Variants in SLC35F4 observed in about 807,000 individuals in gnomAD.
SLC35F4 encodes the protein chromosome 14 open reading frame 36.
In SLC35F4, 24 loss-of-function variants were observed where a neutral mutation model predicts 44.2. The ratio of observed to expected loss-of-function variants is 0.54; its 90% confidence interval spans 0.39 to 0.76. SLC35F4 has a LOEUF of 0.76. Ranked by LOEUF, SLC35F4 falls within the 30% of genes least tolerant of loss-of-function variation. SLC35F4 has a pLI of 0.00. For missense variants in SLC35F4, 562 were observed against 586.1 expected, an observed-to-expected ratio of 0.96 and a Z score of 0.42; for synonymous variants, 238 against 223.6, an observed-to-expected ratio of 1.06 and a Z score of -0.57.
At chr14:57,896,540 T>C (rs1288551102) in intron 1 of SLC35F4, among the ~76,000 whole-genome samples, 1 of 152,170 alleles carries the variant, frequency 6.6e-6, no homozygotes, top group Non-Finnish European at 1.5e-5. Flanking sequence ...ATGTGATGTA[T>C]ATGTATATGC....
At chr14:57,860,115 G>T (rs926510009) in intron 1 of SLC35F4, among the ~76,000 whole-genome samples, 3 of 152,174 alleles carry the variant, frequency 2.0e-5, no homozygotes, top group Non-Finnish European at 2.9e-5. Context: ...CTAGAACTTT[G>T]GGGAATGCTA....
At chr14:57,584,638 C>T (rs939485491) in intron 3 of SLC35F4, among the ~76,000 whole-genome samples, 1 of 152,122 alleles carries the variant, frequency 6.6e-6, no homozygotes, top group Admixed American at 6.5e-5. Flanking sequence ...ACTCTACATG[C>T]ACTATAGGTA....
At chr14:57,596,595 C>G in intron 1 of SLC35F4, 1 of 417,830 alleles carries the variant, frequency 2.4e-6, no homozygotes, top group East Asian at 6.7e-5. Context: ...ATTTCCAATC[C>G]CTTGGCAATT....
At chr14:57,858,584 A>G (rs1453393945) in intron 1 of SLC35F4, among the ~76,000 whole-genome samples, 1 of 151,924 alleles carries the variant, frequency 6.6e-6, no homozygotes, top group Non-Finnish European at 1.5e-5. Flanking sequence ...AATGTAAATG[A>G]CGAGTTAATG....
chr14:57,815,772 A>G (rs76062522), intron 1 of SLC35F4, among the ~76,000 whole-genome samples: 4,558 of 152,244 alleles, frequency 0.03, 206 homozygotes, highest in African/African-American at 0.1. Context: ...TGACTAGCCG[A>G]GAAGACCAGT....
downstream of SLC35F4, among the ~76,000 whole-genome samples, chr14:57,972,977 C>T (rs1881098024): frequency 6.6e-6 from 1 of 152,204 alleles, no homozygotes; most frequent in South Asian, 2.1e-4. Flanking sequence ...TTTGCATATA[C>T]CATGTCATTT....
intron 1 of SLC35F4, among the ~76,000 whole-genome samples, chr14:57,731,492 C>T (rs1338964509): frequency 6.6e-6 from 1 of 152,092 alleles, no homozygotes; most frequent in African/African-American, 2.4e-5. Context: ...GTTTCTTTTG[C>T]CAGAGCCTTT....
chr14:57,568,608 G>GT (rs1394783075), intron 6 of SLC35F4, among the ~76,000 whole-genome samples: 1 of 152,150 alleles, frequency 6.6e-6, no homozygotes, highest in Non-Finnish European at 1.5e-5. Context: ...AGTGTTTTCT[G>GT]TCGAAGACCT....
intron 1 of SLC35F4, among the ~76,000 whole-genome samples, chr14:57,643,495 T>C (rs565693307): frequency 6.6e-6 from 1 of 152,218 alleles, no homozygotes; most frequent in South Asian, 2.1e-4. Context: ...TATCACCCGA[T>C]TTACAGGTAG....
At chr14:57,722,545 T>C (rs2076110434) in intron 1 of SLC35F4, among the ~76,000 whole-genome samples, 1 of 152,162 alleles carries the variant, frequency 6.6e-6, no homozygotes, top group Admixed American at 6.5e-5. Flanking sequence ...CTGCAGTCAC[T>C]CAACTACAAA....
At chr14:57,678,458 T>A (rs1177356087) in intron 1 of SLC35F4, among the ~76,000 whole-genome samples, 1 of 151,882 alleles carries the variant, frequency 6.6e-6, no homozygotes. Context: ...GAAAATGCAT[T>A]AACTAACAAG....
chr14:57,884,163 G>A lies in SLC35F4; in HGVS notation n.282+97750C>T, dbSNP rs186549738. Among the ~76,000 whole-genome samples the A allele has an allele frequency of 5.5e-4, 84 of 152,226 alleles. 1 individual carries two copies. Among genetic ancestry groups the A allele is most frequent in the Admixed American group, 3.4e-3 (52 of 15,288 alleles). Reference sequence around the variant, plus strand: ...ATATTGACAGATTCTGAATGCTTTTGTGTCAAAGCACTAACTATAACTCTT... The same window carrying A: ...ATATTGACAGATTCTGAATGCTTTTATGTCAAAGCACTAACTATAACTCTT... On this transcript the variant is annotated intron_variant and non_coding_transcript_variant, in intron 1 of 1. Coordinates refer to the SLC35F4 transcript ENST00000556568.
chr14:57,837,346 T>C (rs1439341197), intron 1 of SLC35F4: 1 of 152,162 alleles, frequency 6.6e-6, no homozygotes, highest in Non-Finnish European at 1.5e-5. Context: ...AAGGGAGGTA[T>C]GATGGAGAAA....
chr14:57,595,001 A>G (rs1187909040), intron 1 of SLC35F4, among the ~76,000 whole-genome samples: 4 of 152,204 alleles, frequency 2.6e-5, no homozygotes, highest in Non-Finnish European at 5.9e-5. Flanking sequence ...GCATCTATCA[A>G]CATTAAGAGA....
chr14:57,648,370 C>A (rs929926606), intron 1 of SLC35F4, among the ~76,000 whole-genome samples: 2 of 152,190 alleles, frequency 1.3e-5, no homozygotes, highest in African/African-American at 2.4e-5. Context: ...AGAGATATAG[C>A]TACTAACACT....
intron 1 of SLC35F4, among the ~76,000 whole-genome samples, chr14:57,716,507 G>A (rs2075948389): frequency 1.3e-5 from 2 of 151,990 alleles, no homozygotes; most frequent in African/African-American, 4.8e-5. Flanking sequence ...ATGATTCACT[G>A]TTTTAATTTT....
At chr14:57,776,583 T>C (rs1051243671) in intron 1 of SLC35F4, among the ~76,000 whole-genome samples, 10 of 147,738 alleles carry the variant, frequency 6.8e-5, no homozygotes, top group Admixed American at 4.3e-4. Flanking sequence ...AGAGAATCGC[T>C]TGAACCCAGG....
intron 1 of SLC35F4, among the ~76,000 whole-genome samples, chr14:57,660,711 A>T (rs955478110): frequency 3.3e-5 from 5 of 152,140 alleles, no homozygotes; most frequent in African/African-American, 9.7e-5. Context: ...GCCAGCTGTC[A>T]TATTGTGAGC....
At chr14:57,721,862 C>G (rs1170612462) in intron 1 of SLC35F4, among the ~76,000 whole-genome samples, 1 of 152,088 alleles carries the variant, frequency 6.6e-6, no homozygotes, top group Non-Finnish European at 1.5e-5. Flanking sequence ...GGAGATAAAC[C>G]CTGTGTCTCC....
Sources: allele counts gnomAD v4.1 joint callset (sites outside exome capture counted in the v4.1 genomes callset), GRCh38; gene constraint gnomAD v4.1.1; transcripts MANE v1.5; gene names NCBI Gene and HGNC (gene_info 2026-07-23, HGNC 2026-07-21).